The following PSKH1 variants were observed in gnomAD, a reference collection of about 807,000 sequenced individuals.
PSKH1 encodes the protein protein serine kinase H1, also known as serine/threonine-protein kinase H1.
In PSKH1, 12 loss-of-function variants were observed where a neutral mutation model predicts 26.7. The ratio of observed to expected loss-of-function variants is 0.45; its 90% CI spans 0.29 to 0.73. PSKH1 has a LOEUF of 0.73. Ranked by LOEUF, PSKH1 falls within the 30% of genes least tolerant of loss-of-function variation. PSKH1 has a pLI of 0.11. For missense variants in PSKH1, 431 were observed against 595.2 expected (o/e 0.72, Z 2.87); for synonymous variants, 213 against 234.3 (o/e 0.91, Z 0.83).
intron 1 of PSKH1, among the ~76,000 whole-genome samples, chr16:67,906,024 A>G (rs2058155044): frequency 6.6e-6 from 1 of 151,820 alleles, no homozygotes; most frequent in South Asian, 2.1e-4. Flanking sequence ...ATTTAATAAT[A>G]AATGTTTTAT....
chr16:67,909,128 A>C lies in PSKH1; in HGVS notation c.379A>C (p.Lys127Gln), dbSNP rs1453369763. 6.2e-7 allele frequency: 1 copy of C among 1,614,148 alleles called. No individual in the cohort carries two copies. Among genetic ancestry groups the C allele is most frequent in the East Asian group, 2.2e-5 (1 of 44,878 alleles). ...GGCAACCCGGCAGCCGTATGCCATCAAGATGATTGAGACCAAGTACCGGGA... is the reference window on the plus strand; with the variant it reads ...GGCAACCCGGCAGCCGTATGCCATCCAGATGATTGAGACCAAGTACCGGGA... The part of the protein sequence containing the change: ...HRATRQPYAI[K>Q]MIETKYREGR... The change falls in exon 2 of 3, where the codon AAG becomes CAG. Residue 127 changes from lysine to glutamine, a missense_variant. Transcript: ENST00000291041. This position sits in a 1 kb window ranked among gnomAD's most constrained non-coding sequence, Gnocchi z 7.8.
intron 2 of PSKH1, among the ~76,000 whole-genome samples, chr16:67,913,532 C>G (rs1373973540): frequency 2.0e-5 from 3 of 152,096 alleles, no homozygotes; most frequent in Non-Finnish European, 4.4e-5. Context: ...TGCCAGGTTG[C>G]TGGCAGGAGC....
intron 1 of PSKH1, among the ~76,000 whole-genome samples, chr16:67,901,169 C>G (rs1397266544): frequency 1.3e-5 from 2 of 151,970 alleles, no homozygotes; most frequent in Non-Finnish European, 2.9e-5. Flanking sequence ...GTCTAATATC[C>G]TCCAGTTTCA....
intron 1 of PSKH1, among the ~76,000 whole-genome samples, chr16:67,895,616 C>A (rs2058124296): frequency 6.6e-6 from 1 of 152,070 alleles, no homozygotes; most frequent in Non-Finnish European, 1.5e-5. Flanking sequence ...ATCCTGTTGG[C>A]CAGGCTGGTC....
At chr16:67,916,333 C>T (rs979355642) in intron 2 of PSKH1, among the ~76,000 whole-genome samples, 1 of 152,170 alleles carries the variant, frequency 6.6e-6, no homozygotes, top group Admixed American at 6.5e-5. Flanking sequence ...ATAGAGTGCT[C>T]TCCCCTGTAC....
intron 2 of PSKH1, among the ~76,000 whole-genome samples, chr16:67,925,709 G>C (rs2058214404): frequency 6.6e-6 from 1 of 152,128 alleles, no homozygotes; most frequent in African/African-American, 2.4e-5. Context: ...GGATGACCCT[G>C]TTAGGTGTGT....
At chr16:67,915,181 ATGAG>A (rs201877271) in intron 2 of PSKH1, among the ~76,000 whole-genome samples, 26 of 149,232 alleles carry the variant, frequency 1.7e-4, no homozygotes, top group South Asian at 6.4e-4. Context: ...GAGTGAGTGA[ATGAG>A]TGAGTGAGTG....
chr16:67,903,155 G>GTTTTGC (rs2058146442), intron 1 of PSKH1: 1 of 151,944 alleles, frequency 6.6e-6, no homozygotes, highest in East Asian at 1.9e-4. Flanking sequence ...GTTTGGTTTG[G>GTTTTGC]TTTTGCTTTG....
chr16:67,916,822 AG>A (rs2058189157), intron 2 of PSKH1, among the ~76,000 whole-genome samples: 1 of 152,074 alleles, frequency 6.6e-6, no homozygotes, highest in African/African-American at 2.4e-5. Flanking sequence ...GCTCTGCAGG[AG>A]GGACATCAGC....
intron 1 of PSKH1, among the ~76,000 whole-genome samples, chr16:67,897,932 C>G (rs1222283799): frequency 6.6e-6 from 1 of 152,106 alleles, no homozygotes; most frequent in African/African-American, 2.4e-5. Context: ...ATTGCAAGCT[C>G]TGCCTTCCGG....
rs191104916 is a variant in PSKH1, at chr16:67,929,130, C to T, written c.*1488C>T. The T allele has an allele frequency of 1.3e-3, 206 of 152,834 alleles. No individual in the cohort carries two copies. The highest frequency in any genetic ancestry group is 4.7e-3 in the African/African-American group (197 of 41,582). The allele number at this position is 152,834 out of a possible 1,614,324, so 9.5% of individuals were successfully genotyped here. A position where few individuals can be genotyped will look rare whatever the true frequency, so the allele number is the denominator to read the frequency against. ...CACAAACCAGGCTGGAACCCAAGCC[C>T]CTTCCTCCACAGCTGCCTTCAGTGG... On this transcript the variant is annotated 3_prime_UTR_variant, in exon 3 of 3. Coordinates refer to ENST00000291041, the MANE Select transcript of PSKH1 (RefSeq NM_006742.3).
At chr16:67,923,273 C>T (rs535602023) in intron 2 of PSKH1, among the ~76,000 whole-genome samples, 31 of 152,268 alleles carry the variant, frequency 2.0e-4, no homozygotes, top group Admixed American at 1.8e-3. Flanking sequence ...ACATCAGGAG[C>T]AGGTACCCTA....
chr16:67,911,684 C>A (rs139818481), intron 2 of PSKH1, among the ~76,000 whole-genome samples: 2 of 152,084 alleles, frequency 1.3e-5, no homozygotes, highest in African/African-American at 4.8e-5. Context: ...CTCTGTCCCC[C>A]CCAAAAAAAA....
chr16:67,911,975 C>G (rs2058174711), intron 2 of PSKH1, among the ~76,000 whole-genome samples: 1 of 152,178 alleles, frequency 6.6e-6, no homozygotes, highest in Non-Finnish European at 1.5e-5. Context: ...GCGTAGGAGT[C>G]AGGCAGGTGG....
At chr16:67,901,634 A>ATT (rs60510650) in intron 1 of PSKH1, among the ~76,000 whole-genome samples, 11 of 126,518 alleles carry the variant, frequency 8.7e-5, no homozygotes, top group Admixed American at 1.6e-4. Flanking sequence ...TGCCCAGCCT[A>ATT]TTTTTTTTTT....
rs1473400763 is a variant in PSKH1 at position 67,909,187 on chromosome 16, G to A, written c.438G>A (p.Val146=). ...AGGTGTGTGAGTCGGAGCTGCGTGT[G>A]CTGCGTCGGGTGCGTCATGCCAACA... ...GREVCESELR[V]LRRVRHANII... Residue 146 remains valine (V), a synonymous_variant, in exon 2 of 3, where the codon GTG becomes GTA. Coordinates refer to ENST00000291041, the MANE Select transcript of PSKH1 (RefSeq NM_006742.3). The surrounding 1 kb of genome is among the most constrained non-coding windows in gnomAD (Gnocchi z 7.8). The A allele has an allele frequency of 6.2e-7, 1 of 1,614,206 alleles. No individual in the cohort carries two copies. Among genetic ancestry groups the A allele is most frequent in the Non-Finnish European group, 8.5e-7 (1 of 1,180,054 alleles).
chr16:67,894,003 C>T (rs1434386491), intron 1 of PSKH1, among the ~76,000 whole-genome samples: 2 of 152,250 alleles, frequency 1.3e-5, no homozygotes, highest in African/African-American at 4.8e-5. Flanking sequence ...AGGACAAAGG[C>T]CGCACTTCTT....
chr16:67,911,825 G>A (rs1227998123), intron 2 of PSKH1, among the ~76,000 whole-genome samples: 1 of 152,252 alleles, frequency 6.6e-6, no homozygotes, highest in African/African-American at 2.4e-5. Flanking sequence ...CTGGGGAGGG[G>A]GCTGGCATTC....
Position 67,927,922 on chromosome 16 carries a change from G to A in PSKH1, c.*280G>A. 2.0e-6 allele frequency: 1 copy of A among 511,376 alleles called. No individual in the cohort carries two copies. Among genetic ancestry groups the A allele is most frequent in the Non-Finnish European group, 3.5e-6 (1 of 285,170 alleles). The allele number at this position is 511,376 out of a possible 1,614,324, so 31.7% of individuals were successfully genotyped here. A position where few individuals can be genotyped will look rare whatever the true frequency, so the allele number is the denominator to read the frequency against. ...CTCTTGGTGGGCAGCTGCTCTGGTG[G>A]AGTTGGGAAGGGATAGGACCTGGCC... On this transcript the variant is annotated 3_prime_UTR_variant, in exon 3 of 3. Transcript: ENST00000291041. This position sits in a 1 kb window ranked among gnomAD's most constrained non-coding sequence, Gnocchi z 5.5.
Sources: allele counts gnomAD v4.1 joint callset (sites outside exome capture counted in the v4.1 genomes callset), GRCh38; gene constraint gnomAD v4.1.1; non-coding constraint Gnocchi (gnomAD v3.1); transcripts MANE v1.5; gene names NCBI Gene and HGNC (gene_info 2026-07-23, HGNC 2026-07-21).